The following NPAS3 variants were observed in gnomAD, a reference collection of about 807,000 sequenced individuals.
NPAS3 encodes the protein neuronal PAS domain protein 3, also known as neuronal PAS domain-containing protein 3.
A neutral mutation model predicts 73.1 loss-of-function variants in NPAS3; 14 were observed. That is an observed-to-expected ratio of 0.19 (90% CI 0.13 to 0.30). NPAS3 has a LOEUF of 0.30. Ranked by LOEUF, NPAS3 falls within the 10% of genes least tolerant of loss-of-function variation. The pLI is 1.00. For missense variants in NPAS3, 1,096 were observed against 1,250.0 expected (o/e 0.88, Z 1.86); for synonymous variants, 620 against 541.5 (o/e 1.14, Z -2.01).
intron 7 of NPAS3, among the ~76,000 whole-genome samples, chr14:33,763,345 G>A (rs987995465): frequency 2.0e-5 from 3 of 152,140 alleles, no homozygotes; most frequent in Non-Finnish European, 4.4e-5. Context: ...GAGTTCAGAG[G>A]GTAGCTTAAG....
chr14:33,754,772 G>A (rs976430280), intron 7 of NPAS3, among the ~76,000 whole-genome samples: 8 of 152,084 alleles, frequency 5.3e-5, no homozygotes, highest in East Asian at 1.9e-4. Flanking sequence ...TCATAGAATC[G>A]TAGAGCTGAA....
intron 4 of NPAS3, among the ~76,000 whole-genome samples, chr14:33,513,662 A>G (rs1254289966): frequency 6.6e-6 from 1 of 152,058 alleles, no homozygotes; most frequent in Non-Finnish European, 1.5e-5. Context: ...AAACTCTGCC[A>G]CCTTCCAAGG....
intron 3 of NPAS3, among the ~76,000 whole-genome samples, chr14:33,269,887 T>C (rs1343728536): frequency 6.6e-6 from 1 of 152,190 alleles, no homozygotes; most frequent in East Asian, 1.9e-4. Context: ...ACTATGCAAA[T>C]TACAAAGTGA....
chr14:33,631,981 C>G (rs1274557424), intron 5 of NPAS3, among the ~76,000 whole-genome samples: 1 of 152,118 alleles, frequency 6.6e-6, no homozygotes, highest in African/African-American at 2.4e-5. Context: ...TGCTGCCCAG[C>G]TAGTAGTAGT....
intron 4 of NPAS3, among the ~76,000 whole-genome samples, chr14:33,541,128 C>T (rs1479514346): frequency 7.4e-5 from 7 of 95,146 alleles, no homozygotes; most frequent in Non-Finnish European, 1.6e-4. Context: ...TGTGTGTGTG[C>T]ATGCACACAC....
chr14:33,559,965 G>A (rs924569084), intron 4 of NPAS3, among the ~76,000 whole-genome samples, 156 bp from the exon 5 acceptor site: 2 of 149,924 alleles, frequency 1.3e-5, no homozygotes, highest in Non-Finnish European at 3.0e-5. Flanking sequence ...AGCCGAGATT[G>A]TGCCACTGCA....
At chr14:33,466,295 G>A (rs961966386) in intron 4 of NPAS3, among the ~76,000 whole-genome samples, 4 of 152,156 alleles carry the variant, frequency 2.6e-5, no homozygotes, top group Non-Finnish European at 5.9e-5. Context: ...TCCTATCCTA[G>A]CAAGAGCCTC....
At chr14:33,667,158 A>C (rs936944585) in intron 5 of NPAS3, among the ~76,000 whole-genome samples, 1 of 152,240 alleles carries the variant, frequency 6.6e-6, no homozygotes, top group African/African-American at 2.4e-5. Context: ...CAAAGTATTT[A>C]AAACCTGGTG....
At chr14:33,514,457 T>C (rs1274336151) in intron 4 of NPAS3, among the ~76,000 whole-genome samples, 1 of 152,058 alleles carries the variant, frequency 6.6e-6, no homozygotes, top group Non-Finnish European at 1.5e-5. Flanking sequence ...CCAAGACGAT[T>C]GTGATGCCCA....
At chr14:33,081,841 T>C (rs1446386999) in intron 2 of NPAS3, among the ~76,000 whole-genome samples, 1 of 152,220 alleles carries the variant, frequency 6.6e-6, no homozygotes, top group Non-Finnish European at 1.5e-5. Context: ...TGACAATCCT[T>C]GGGGCACACT....
chr14:33,788,762 GT>G (rs1288009557), intron 9 of NPAS3, among the ~76,000 whole-genome samples: 6 of 152,110 alleles, frequency 3.9e-5, no homozygotes, highest in African/African-American at 1.4e-4. Context: ...GTCTGTGTCT[GT>G]GGACAAAGTT....
chr14:33,308,578 T>C (rs2042875067), intron 3 of NPAS3, among the ~76,000 whole-genome samples: 2 of 15,806 alleles, frequency 1.3e-4, no homozygotes, highest in African/African-American at 9.5e-4. Context: ...TATATATGTA[T>C]ATCTATATAT....
intron 4 of NPAS3, among the ~76,000 whole-genome samples, chr14:33,506,912 T>C (rs2052792778): frequency 6.6e-6 from 1 of 152,020 alleles, no homozygotes; most frequent in South Asian, 2.1e-4. Flanking sequence ...TAAAATTTCC[T>C]CCTATTCAAT....
intron 9 of NPAS3, among the ~76,000 whole-genome samples, chr14:33,788,255 C>A (rs760320820): frequency 5.3e-5 from 8 of 152,176 alleles, no homozygotes; most frequent in African/African-American, 1.7e-4. Flanking sequence ...ACCTGCTCTC[C>A]GTTCTCCGCG....
chr14:32,990,513 A>AT (rs1388517604), intron 1 of NPAS3, among the ~76,000 whole-genome samples: 5 of 152,236 alleles, frequency 3.3e-5, no homozygotes, highest in African/African-American at 1.2e-4. Context: ...CTCATTGCCC[A>AT]TTTTTTTGAA....
intron 7 of NPAS3, among the ~76,000 whole-genome samples, chr14:33,739,077 A>C (rs1263889572): frequency 2.6e-5 from 4 of 152,188 alleles, no homozygotes; most frequent in Non-Finnish European, 5.9e-5. Context: ...TGATGTCCTC[A>C]TTCTAATGGC....
intron 7 of NPAS3, among the ~76,000 whole-genome samples, chr14:33,754,357 A>G (rs2062051993): frequency 6.6e-6 from 1 of 152,136 alleles, no homozygotes; most frequent in Admixed American, 6.5e-5. Flanking sequence ...GGAGAGGAAT[A>G]TGGAAATGGA....
chr14:33,746,783 G>T lies in NPAS3; in HGVS notation c.852+11451G>T, dbSNP rs575692308. Among the ~76,000 whole-genome samples the T allele has an allele frequency of 8.0e-4, 122 of 152,058 alleles. 1 individual carries two copies. The highest frequency in any genetic ancestry group is 2.9e-3 in the African/African-American group (122 of 41,428). On this transcript the variant is annotated intron_variant, in intron 7 of 11. Coordinates refer to ENST00000356141, the Ensembl canonical transcript of NPAS3. ...TTATACTTTAAGTTTTAGGGTACAT[G>T]TGCACATTGTGCAGGTTAGTTACAT...
intron 5 of NPAS3, among the ~76,000 whole-genome samples, chr14:33,652,220 G>A (rs1248968040): frequency 6.6e-6 from 1 of 151,918 alleles, no homozygotes; most frequent in Non-Finnish European, 1.5e-5. Flanking sequence ...TGTTGTAATG[G>A]GTGTCAAGGA....
Sources: gnomAD v4.1 joint callset for allele counts (sites outside exome capture counted in the v4.1 genomes callset) on GRCh38, gnomAD v4.1.1 for gene constraint, MANE v1.5 for transcripts, NCBI Gene and HGNC (gene_info 2026-07-23, HGNC 2026-07-21) for gene names.